Variants in OGA observed in about 807,000 individuals in gnomAD.
OGA encodes protein O-GlcNAcase.
In OGA, 21 loss-of-function variants were observed where a neutral mutation model predicts 102.0. That is an observed-to-expected ratio of 0.21 (90% CI 0.15 to 0.30). The LOEUF (loss-of-function observed/expected upper bound fraction) is 0.30, where lower values mean the gene tolerates loss of function less well. Among genes scored for constraint, OGA ranks in the 10% least tolerant of loss-of-function variants. The pLI is 1.00. For missense variants in OGA, 765 were observed against 1,107.8 expected, an observed-to-expected ratio of 0.69 and a Z score of 4.39; for synonymous variants, 408 against 378.2, an observed-to-expected ratio of 1.08 and a Z score of -0.91.
chr10:101,797,706 T>C (rs1469650813), intron 10 of OGA: 4 of 564,296 alleles, frequency 7.1e-6, no homozygotes, highest in Admixed American at 3.4e-5. Flanking sequence ...CCAGAAAGCA[T>C]TCAGTCAGAG....
chr10:101,789,795 G>A (rs200428936), intron 14 of OGA, among the ~76,000 whole-genome samples: 2 of 152,162 alleles, frequency 1.3e-5, no homozygotes, highest in South Asian at 4.1e-4. Context: ...GCAACACGGC[G>A]AAACCCCATC....
At chr10:101,812,015 G>A (rs764505510) in intron 3 of OGA, among the ~76,000 whole-genome samples, 1 of 152,138 alleles carries the variant, frequency 6.6e-6, no homozygotes, top group Non-Finnish European at 1.5e-5. Flanking sequence ...AGATGGAGAT[G>A]GGGTAAGCTG....
chr10:101,794,084 C>T (rs962117085), intron 10 of OGA, 86 bp from the exon 11 acceptor site: 25 of 878,982 alleles, frequency 2.8e-5, no homozygotes, highest in Non-Finnish European at 4.1e-5. Flanking sequence ...ACAAACACTT[C>T]GTGGAAATAA....
chr10:101,817,128 G>C (rs991236271), intron 1 of OGA, among the ~76,000 whole-genome samples: 2 of 152,134 alleles, frequency 1.3e-5, no homozygotes, highest in Non-Finnish European at 2.9e-5. Context: ...AAAGTCCATC[G>C]TTCTTTTCGA....
At chr10:101,793,032 T>C (rs1423020320) in intron 11 of OGA, 89 bp from the exon 12 acceptor site, 1 of 982,154 alleles carries the variant, frequency 1.0e-6, no homozygotes, top group Non-Finnish European at 1.6e-6. Flanking sequence ...CCAACTTATA[T>C]TAACTGGCTA....
At chr10:101,815,695 T>C (rs2065612878) in intron 1 of OGA, among the ~76,000 whole-genome samples, 1 of 152,030 alleles carries the variant, frequency 6.6e-6, no homozygotes, top group Non-Finnish European at 1.5e-5. Context: ...CTTTCAGAGT[T>C]GCTCCAATAT....
chr10:101,799,408 T>A lies in OGA; in HGVS notation c.1243A>T (p.Thr415Ser). The A allele has an allele frequency of 6.2e-7, 1 of 1,613,828 alleles. No homozygotes were observed. Among genetic ancestry groups the A allele is most frequent in the Non-Finnish European group, 8.5e-7 (1 of 1,179,864 alleles). ...SGAKASVVDG[T>S]PLVAAPSLNA... is the part of the protein sequence containing the mutation. The stretch of plus-strand genomic sequence containing the variant: ...AAAGAGGGTGCTGCAACTAAAGGAG[T>A]CCCATCAACTACACTTGCTTTAGCT... The change falls in exon 9 of 16, where the codon ACT becomes TCT. Residue 415 changes from threonine (T) to serine (S), a missense_variant. Thr to Ser is a moderately conservative substitution (Grantham distance 58). Transcript: ENST00000361464.
intron 1 of OGA, among the ~76,000 whole-genome samples, chr10:101,813,819 A>AT (rs992121537): frequency 6.6e-6 from 1 of 151,958 alleles, no homozygotes; most frequent in South Asian, 2.1e-4. Flanking sequence ...TGCTTAGGTA[A>AT]TTTTTTTTAT....
At chr10:101,808,729 G>C (rs529577423) in intron 4 of OGA, among the ~76,000 whole-genome samples, 8 of 152,262 alleles carry the variant, frequency 5.3e-5, no homozygotes, top group Admixed American at 1.3e-4. Flanking sequence ...CAGCACTTTG[G>C]GAGGCCGAGG....
In OGA at chr10:101,818,087, GC is replaced by G. The variant is rs1323042584; in HGVS notation, c.-66del. The G allele has an allele frequency of 5.6e-5, 82 of 1,462,124 alleles. No homozygotes were observed. The highest frequency in any genetic ancestry group is 7.1e-5 in the Non-Finnish European group (79 of 1,105,228). 90.6% of individuals were successfully genotyped at this position (1,462,124 alleles called of 1,614,324 possible). On this transcript the variant is annotated 5_prime_UTR_variant, in exon 1 of 16. Coordinates refer to ENST00000361464, the MANE Select transcript of OGA (RefSeq NM_012215.5). The stretch of plus-strand genomic sequence containing the variant: ...TCGACCTCTGTCCGTTGGGGCACCG[GC>G]CCGGAGCCCTGGAGAGGGCTTCAGC...
chr10:101,813,271 G>A (rs1208263996), intron 2 of OGA, 144 bp from the exon 3 acceptor site: 4 of 634,270 alleles, frequency 6.3e-6, no homozygotes, highest in Non-Finnish European at 1.1e-5. Context: ...GTAATCAGTG[G>A]AATTTAAAAA....
intron 10 of OGA, among the ~76,000 whole-genome samples, chr10:101,794,385 A>G (rs2065292580): frequency 1.3e-5 from 2 of 152,242 alleles, no homozygotes; most frequent in South Asian, 2.1e-4. Flanking sequence ...ATCACAGCCC[A>G]TGAAGGAATT....
At chr10:101,801,631 T>C (rs1228218589) in intron 7 of OGA, among the ~76,000 whole-genome samples, 2 of 152,192 alleles carry the variant, frequency 1.3e-5, no homozygotes, top group East Asian at 1.9e-4. Context: ...AGGAGTTAAG[T>C]GCCATGTACG....
chr10:101,797,959 GA>G lies in OGA; in HGVS notation c.1984+20del. 2 of 1,602,542 alleles carry G rather than the reference GA, an allele frequency of 1.2e-6. No individual in the cohort carries two copies. The highest frequency in any genetic ancestry group is 1.7e-6 in the Non-Finnish European group (2 of 1,171,012). On this transcript the variant is annotated intron_variant, in intron 10 of 15. Transcript: ENST00000361464. ...AGGGACAATATATTTGAGGAGAAGA[GA>G]TTATTCCTGGTGCACCTACCTAACC...
rs1331805615 is a variant in OGA, at chr10:101,787,535, A to G, written c.2455-12T>C. 1.2e-6 allele frequency: 2 copies of G among 1,601,632 alleles called. No individual in the cohort carries two copies. The highest frequency in any genetic ancestry group is 2.2e-5 in the South Asian group (2 of 90,672). On this transcript the variant is annotated splice_polypyrimidine_tract_variant and intron_variant, in intron 14 of 15. Coordinates refer to ENST00000361464, the MANE Select transcript of OGA (RefSeq NM_012215.5). ...CTCAACATTATTTTCTGGAAAAATT[A>G]GAATCTCTTGACTTTCACAATAGTT... is the stretch of plus-strand genomic sequence containing the variant.
At chr10:101,799,711 C>A (rs2065364503) in intron 8 of OGA, among the ~76,000 whole-genome samples, 1 of 151,982 alleles carries the variant, frequency 6.6e-6, no homozygotes, top group Non-Finnish European at 1.5e-5. Flanking sequence ...GTCTAAAAAC[C>A]CTTAAATTAC....
chr10:101,798,496 C>T lies in OGA; in HGVS notation c.1810-342G>A, dbSNP rs558525431. 1.3e-3 allele frequency among the ~76,000 whole-genome samples: 199 copies of T among 151,526 alleles called. 1 individual carries two copies. Among genetic ancestry groups the T allele is most frequent in the Admixed American group, 2.1e-3 (32 of 15,204 alleles). ...CACGATCTCAGCTCACTGCAAACTCCGCCTCCCGGGTTCTTCAAGCGATTC... is the reference window on the plus strand; with the variant it reads ...CACGATCTCAGCTCACTGCAAACTCTGCCTCCCGGGTTCTTCAAGCGATTC... On this transcript the variant is annotated intron_variant, in intron 9 of 15. Coordinates refer to ENST00000361464, the MANE Select transcript of OGA (RefSeq NM_012215.5).
rs199767990 is a variant in OGA at position 101,798,072 on chromosome 10, C to T, written c.1892G>A (p.Cys631Tyr). 1.2e-5 allele frequency: 19 copies of T among 1,613,940 alleles called. No individual in the cohort carries two copies. Among genetic ancestry groups the T allele is most frequent in the Non-Finnish European group, 1.5e-5 (18 of 1,179,970 alleles). ...VMGMFTRLSN[C>Y]ANRTILYDMY... is the part of the protein sequence containing the mutation. ...GTCATAAAGAATTGTCCTGTTGGCA[C>T]AATTGGAGAGCCGAGTGAACATTCC... The change falls in exon 10 of 16, where the codon TGT becomes TAT. Residue 631 changes from cysteine to tyrosine, a missense_variant. By Grantham distance (194) the Cys-to-Tyr change is radical (BLOSUM62 -2). Transcript: ENST00000361464.
intron 8 of OGA, 83 bp from the exon 9 acceptor site, chr10:101,799,538 T>C: frequency 7.3e-7 from 1 of 1,373,330 alleles, no homozygotes; most frequent in African/African-American, 1.5e-5. Context: ...TTCAGAAAGA[T>C]GCTTTATCAT....
Sources: gnomAD v4.1 joint callset for allele counts (sites outside exome capture counted in the v4.1 genomes callset) on GRCh38, gnomAD v4.1.1 for gene constraint, MANE v1.5 for transcripts, NCBI Gene and HGNC (gene_info 2026-07-23, HGNC 2026-07-21) for gene names.